MLC1: variants seen among roughly 807,000 people sequenced by gnomAD.
The protein encoded by MLC1 is modulator of VRAC current 1.
Under a neutral mutation model 44.7 loss-of-function variants are expected in MLC1, and 32 were observed. The ratio of observed to expected loss-of-function variants is 0.72; its 90% CI spans 0.54 to 0.96. MLC1 has a LOEUF of 0.96. Among genes scored for constraint, MLC1 ranks in the 40% least tolerant of loss-of-function variants. The pLI, the probability that MLC1 is intolerant of heterozygous loss-of-function variation, is 0.00. For synonymous variants in MLC1, 190 were observed against 213.0 expected, an observed-to-expected ratio of 0.89 and a Z score of 0.94; for missense variants, 459 against 492.2, an observed-to-expected ratio of 0.93 and a Z score of 0.64.
chr22:50,085,231 C>A (rs749080863), intron 1 of MLC1, 124 bp downstream of exon 1: 5 of 1,232,192 alleles, frequency 4.1e-6, no homozygotes, highest in Non-Finnish European at 5.1e-6. Flanking sequence ...CAACATCCAT[C>A]GGCAACTTCG....
rs199707637 is a variant in MLC1 at position 50,064,061 on chromosome 22, G to A, written c.1032C>T (p.Asn344=). The A allele has an allele frequency of 1.3e-5, 21 of 1,587,212 alleles. 1 individual carries two copies. The Admixed American group carries it at 1.4e-4, about 11-fold the overall frequency. Reference sequence around the variant, plus strand: ...CCCCAGCCAGGCGCTCCTGCGGGCCGTTCTGGGTGTCCCAGGATGCACCCT... The same window carrying A: ...CCCCAGCCAGGCGCTCCTGCGGGCCATTCTGGGTGTCCCAGGATGCACCCT... The part of the protein sequence containing the change: ...RLQGASWDTQ[N]GPQERLAGEV... Residue 344 remains asparagine, a synonymous_variant, in exon 11 of 12, where the codon AAC becomes AAT. Transcript: ENST00000311597.
rs770800468 is a variant in MLC1, at chr22:50,083,214, G to A, written c.178-41C>T. ...AGAATCCCAGGTTACAACGCGCCCC[G>A]TCCCCAGGCTGGACCCTGACCCTTC... On this transcript the variant is annotated intron_variant, in intron 2 of 11. Transcript: ENST00000311597. This position sits in a 1 kb window ranked among gnomAD's most constrained non-coding sequence, Gnocchi z 4.6. 4.5e-6 allele frequency: 7 copies of A among 1,558,066 alleles called. No homozygotes were observed. Among genetic ancestry groups the A allele is most frequent in the African/African-American group, 2.7e-5 (2 of 73,632 alleles).
Position 50,077,421 on chromosome 22 carries a change from C to G in MLC1, c.505G>C (p.Glu169Gln), listed in dbSNP as rs553215659. Residue 169 changes from glutamate (E) to glutamine (Q), a missense_variant, in exon 6 of 12, where the codon GAG (glutamate) becomes CAG (glutamine). By Grantham distance (29) the Glu-to-Gln change is conservative. Coordinates refer to ENST00000311597, the MANE Select transcript of MLC1 (RefSeq NM_015166.4). ...TVIIAARSSE[E>Q]DCKKKKGSMS... ...CCCACCTTCTTTTTCTTGCAGTCCT[C>G]CTCGCTGGACCGTGCAGCGATGATC... The G allele has an allele frequency of 1.4e-5, 23 of 1,613,982 alleles. No individual in the cohort carries two copies. Among genetic ancestry groups the G allele is most frequent in the Non-Finnish European group, 1.8e-5 (21 of 1,180,030 alleles).
rs533625190 is a variant in MLC1 at position 50,080,173 on chromosome 22, C to T, written c.322-154G>A. 3.3e-5 allele frequency among the ~76,000 whole-genome samples: 5 copies of T among 152,372 alleles called. No homozygotes were observed. The East Asian group carries it at 5.8e-4, about 18-fold the overall frequency. ...TGCTCAGCCCGCTCTCCCCTCTGTG[C>T]GGCAAAGGCTGGGCTGGGCAGGAGC... On this transcript the variant is annotated intron_variant, in intron 4 of 11. Coordinates refer to ENST00000311597, the MANE Select transcript of MLC1 (RefSeq NM_015166.4).
intron 7 of MLC1, among the ~76,000 whole-genome samples, chr22:50,075,613 G>C (rs993014432): frequency 6.6e-5 from 10 of 151,982 alleles, no homozygotes; most frequent in African/African-American, 1.9e-4. Flanking sequence ...GGGAGGCTGA[G>C]GCGGGAGAAT....
At chr22:50,070,610 T>C in intron 8 of MLC1, 27 bp from the exon 9 acceptor site, 2 of 1,549,640 alleles carry the variant, frequency 1.3e-6, no homozygotes, top group Non-Finnish European at 1.7e-6. Flanking sequence ...AGGAAAGATT[T>C]TAGAGGAAAT....
rs3041368 is a variant in MLC1 at position 50,077,991 on chromosome 22, AT to A, written c.424-490del. 9.2e-3 allele frequency among the ~76,000 whole-genome samples: 1,325 copies of A among 143,998 alleles called. 19 individuals carry two copies. The highest frequency in any genetic ancestry group is 0.03 in the African/African-American group (1,158 of 39,010). 94.5% of individuals were successfully genotyped at this position (143,998 alleles called of 152,430 possible). On this transcript the variant is annotated intron_variant, in intron 5 of 11. Coordinates refer to ENST00000311597, the MANE Select transcript of MLC1 (RefSeq NM_015166.4). ...AAAAAGTCAGTGTAGCTGTCTGACA[AT>A]TTTTTTTTTTTTTTTGAGACGGAGG...
At chr22:50,082,261 T>C (rs921063810) in intron 3 of MLC1, among the ~76,000 whole-genome samples, 4 of 143,560 alleles carry the variant, frequency 2.8e-5, no homozygotes, top group Non-Finnish European at 1.5e-5. Flanking sequence ...CAGAGGGGCA[T>C]GGGGTCCATG....
chr22:50,063,947 C>A lies in MLC1; in HGVS notation c.1059+87G>T, dbSNP rs1233558303. 9.1e-6 allele frequency: 13 copies of A among 1,424,256 alleles called. No individual in the cohort carries two copies. The East Asian group carries it at 2.0e-4, about 22-fold the overall frequency. The allele number at this position is 1,424,256 out of a possible 1,614,324, so 88.2% of individuals were successfully genotyped here. ...GCCACTCACCTCCCCAGCTTCCCCC[C>A]ACCCCACAGGCTTCTCACCTCCCTG... On this transcript the variant is annotated intron_variant, in intron 11 of 11. Coordinates refer to ENST00000311597, the MANE Select transcript of MLC1 (RefSeq NM_015166.4).
chr22:50,074,399 T>C lies in MLC1; in HGVS notation c.598-67A>G, dbSNP rs1018840978. 13 of 1,342,246 alleles carry C rather than the reference T, an allele frequency of 9.7e-6. No individual in the cohort carries two copies. In the African/African-American group the frequency reaches 1.7e-4, roughly 18 times the overall value. 83.1% of individuals were successfully genotyped at this position (1,342,246 alleles called of 1,614,324 possible). On this transcript the variant is annotated intron_variant, in intron 7 of 11. Coordinates refer to ENST00000311597, the MANE Select transcript of MLC1 (RefSeq NM_015166.4). ...ACACCCCCAGATTCCCAGAATGCAC[T>C]GTGCAGACATGGACCCCCAGGAGCA... is the stretch of plus-strand genomic sequence containing the variant.
chr22:50,064,302 G>T, intron 10 of MLC1, 104 bp from the exon 11 acceptor site: 1 of 1,408,154 alleles, frequency 7.1e-7, no homozygotes, highest in Non-Finnish European at 9.7e-7. Flanking sequence ...AGGTGCCAGG[G>T]CTCGAGTCGG....
chr22:50,063,743 G>GA (rs5845918), intron 11 of MLC1, among the ~76,000 whole-genome samples: 2 of 43,130 alleles, frequency 4.6e-5, no homozygotes, highest in Admixed American at 2.7e-4. Flanking sequence ...CCTCCCCAGT[G>GA]CCCCCACCCC....
chr22:50,062,167 GTCCACCCTAAGCCCCAGCCA>G (rs1569240656), intron 11 of MLC1, among the ~76,000 whole-genome samples: 31 of 118,932 alleles, frequency 2.6e-4, no homozygotes, highest in African/African-American at 9.7e-4. Flanking sequence ...GGCCCCAGCC[GTCCACCCTAAGCCCCAGCCA>G]TCCACCCTGA....
chr22:50,080,359 C>T lies in MLC1; in HGVS notation c.306G>A (p.Arg102=). Residue 102 remains arginine (R), a synonymous_variant, in exon 4 of 12, where the codon AGG becomes AGA. Coordinates refer to ENST00000311597, the MANE Select transcript of MLC1 (RefSeq NM_015166.4). ...CTAGACTCACCACATTGGCGTTCCT[C>T]CTGGAGACGGTGAAGCTCACAATTG... ...PSAIVSFTVS[R]RNANVIPNFQ... is the part of the protein sequence containing the mutation. 1 of 1,608,276 alleles carries T rather than the reference C, an allele frequency of 6.2e-7. No individual in the cohort carries two copies. The highest frequency in any genetic ancestry group is 1.3e-5 in the African/African-American group (1 of 74,860).
intron 10 of MLC1, 146 bp from the exon 11 acceptor site, chr22:50,064,344 A>C: frequency 3.4e-6 from 3 of 885,560 alleles, no homozygotes; most frequent in Non-Finnish European, 3.6e-6. Context: ...TTGCTATTTC[A>C]ACAACCTGAT....
At chr22:50,082,650 GT>G (rs1013699735) in intron 3 of MLC1, among the ~76,000 whole-genome samples, 1 of 152,150 alleles carries the variant, frequency 6.6e-6, no homozygotes, top group Admixed American at 6.5e-5. Flanking sequence ...CATATGAAGA[GT>G]TTTTTGTTTT....
Position 50,070,547 on chromosome 22 carries a change from C to G in MLC1, c.751G>C (p.Glu251Gln). ...CCCACCAGACACTTGCTGGGACACT[C>G]TGCTGCCACATGACTGGCAATGGCA... ...PSAIASHVAAECPSKCLVEVL... is the reference protein window; with the variant it reads ...PSAIASHVAAQCPSKCLVEVL... Residue 251 changes from glutamate to glutamine, a missense_variant, in exon 9 of 12, where the codon GAG (glutamate) becomes CAG (glutamine). Coordinates refer to ENST00000311597, the MANE Select transcript of MLC1 (RefSeq NM_015166.4). The G allele has an allele frequency of 6.4e-7, 1 of 1,565,094 alleles. No homozygotes were observed. Among genetic ancestry groups the G allele is most frequent in the African/African-American group, 1.3e-5 (1 of 74,120 alleles).
At chr22:50,065,987 A>G (rs1005405126) in intron 10 of MLC1, among the ~76,000 whole-genome samples, 11 of 152,282 alleles carry the variant, frequency 7.2e-5, no homozygotes, top group East Asian at 5.8e-4. Flanking sequence ...AATTCAGAAG[A>G]GCTCTGATCC....
At chr22:50,079,882 G>T in intron 5 of MLC1, 36 bp downstream of exon 5, 1 of 1,418,074 alleles carries the variant, frequency 7.1e-7, no homozygotes, top group Non-Finnish European at 1.0e-6. Context: ...GGGGCTGTGG[G>T]TGTCAGGCGT....
Sources: allele counts gnomAD v4.1 joint callset (sites outside exome capture counted in the v4.1 genomes callset), GRCh38; gene constraint gnomAD v4.1.1; non-coding constraint Gnocchi (gnomAD v3.1); transcripts MANE v1.5; gene names NCBI Gene and HGNC (gene_info 2026-07-23, HGNC 2026-07-21).